Variants in C1QTNF7 observed in about 807,000 individuals in gnomAD.
The protein encoded by C1QTNF7 is C1q and TNF related 7.
A neutral mutation model predicts 19.6 loss-of-function variants in C1QTNF7; 15 were observed. The observed-to-expected ratio is 0.76, with a 90% CI of 0.51 to 1.18. The LOEUF (loss-of-function observed/expected upper bound fraction) is 1.18, where lower values mean the gene tolerates loss of function less well. C1QTNF7 is among the 50% of genes most tolerant of loss of function. The pLI, the probability that C1QTNF7 is intolerant of heterozygous loss-of-function variation, is 0.00. For synonymous variants in C1QTNF7, 142 were observed against 137.5 expected (o/e 1.03, Z -0.23); for missense variants, 324 against 359.7 (o/e 0.90, Z 0.80).
At chr4:15,430,604 G>C (rs888842853) in intron 1 of C1QTNF7, among the ~76,000 whole-genome samples, 19 of 152,238 alleles carry the variant, frequency 1.2e-4, no homozygotes, top group African/African-American at 4.3e-4. Context: ...GTACACTTTG[G>C]TAAATTTTAT....
At position 15,406,188 on chromosome 4, in the gene C1QTNF7, C is replaced by T. The variant is rs143397190; in HGVS notation, c.14-29548C>T. ...ACTCTACAACACCAATCCCTAAAGGCAGGACATTTTTCTGTCTTATTTGCC... is the reference window on the plus strand; with the variant it reads ...ACTCTACAACACCAATCCCTAAAGGTAGGACATTTTTCTGTCTTATTTGCC... On this transcript the variant is annotated intron_variant, in intron 1 of 2. Transcript: ENST00000295297. Among the ~76,000 whole-genome samples the T allele has an allele frequency of 2.6e-5, 4 of 152,308 alleles. No homozygotes were observed. The East Asian group carries it at 7.7e-4, about 29-fold the overall frequency.
chr4:15,391,255 C>T (rs1031440668), intron 1 of C1QTNF7, among the ~76,000 whole-genome samples: 1 of 151,782 alleles, frequency 6.6e-6, no homozygotes, highest in Non-Finnish European at 1.5e-5. Flanking sequence ...CTCAGCAATC[C>T]CAGTAGAGAA....
At chr4:15,413,077 G>C (rs28376639) in intron 1 of C1QTNF7, among the ~76,000 whole-genome samples, 57,346 of 152,060 alleles carry the variant, frequency 0.38, 10,938 homozygotes, top group East Asian at 0.55. Context: ...AGCCCAGTTA[G>C]TGTCCACTGT....
chr4:15,368,248 C>T (rs548433200), intron 1 of C1QTNF7, among the ~76,000 whole-genome samples: 2 of 152,032 alleles, frequency 1.3e-5, no homozygotes, highest in Non-Finnish European at 2.9e-5. Flanking sequence ...GTTGTCCACA[C>T]CCCCGACTCT....
intron 1 of C1QTNF7, among the ~76,000 whole-genome samples, chr4:15,377,309 GTTGATA>G (rs1717976824): frequency 6.6e-6 from 1 of 152,098 alleles, no homozygotes; most frequent in Non-Finnish European, 1.5e-5. Flanking sequence ...TTCCTATCTT[GTTGATA>G]CCCCCGTGCT....
At position 15,398,847 on chromosome 4, in the gene C1QTNF7, A is replaced by G. The variant is rs1265627286; in HGVS notation, c.14-36889A>G. On this transcript the variant is annotated intron_variant, in intron 1 of 2. Transcript: ENST00000295297. ...ATACTTGGAAGAAGGCCAAGCAGGC[A>G]ACGTGAGAAATCAAGTGCATGACTC... Among the ~76,000 whole-genome samples the G allele has an allele frequency of 3.3e-5, 5 of 152,330 alleles. No individual in the cohort carries two copies. In the East Asian group the frequency reaches 9.7e-4, roughly 29 times the overall value.
rs374394005 is a variant in C1QTNF7 at position 15,430,479 on chromosome 4, T to G, written c.-9+2373T>G. On this transcript the variant is annotated intron_variant, in intron 1 of 2. Coordinates refer to ENST00000444304, the MANE Select transcript of C1QTNF7 (RefSeq NM_031911.5). ...ACACACTTGTAGTCCCAGCTACTCA[T>G]GAATTCAATTCAATGTTTTAAAGCA... Among the ~76,000 whole-genome samples the G allele has an allele frequency of 7.2e-5, 11 of 152,312 alleles. No homozygotes were observed. The East Asian group carries it at 7.7e-4, about 11-fold the overall frequency.
chr4:15,425,227 A>C (rs1025793036), upstream of C1QTNF7, among the ~76,000 whole-genome samples: 1 of 152,112 alleles, frequency 6.6e-6, no homozygotes, highest in Admixed American at 6.5e-5. Flanking sequence ...TTTAAAAAAT[A>C]TTAATGCCTA....
At chr4:15,370,955 C>T (rs1717697783) in intron 1 of C1QTNF7, among the ~76,000 whole-genome samples, 1 of 152,228 alleles carries the variant, frequency 6.6e-6, no homozygotes, top group Non-Finnish European at 1.5e-5. Context: ...TTGAGGTTCC[C>T]TAAACACAAC....
intron 2 of C1QTNF7, among the ~76,000 whole-genome samples, chr4:15,438,685 G>A (rs1188153205): frequency 6.6e-6 from 1 of 152,104 alleles, no homozygotes; most frequent in Non-Finnish European, 1.5e-5. Flanking sequence ...GATAACACTA[G>A]AATAACCTCT....
chr4:15,394,007 G>C (rs539162174), intron 1 of C1QTNF7, among the ~76,000 whole-genome samples: 9 of 152,262 alleles, frequency 5.9e-5, no homozygotes, highest in Non-Finnish European at 1.2e-4. Flanking sequence ...AAGGCAGGAG[G>C]GCTCTATTTC....
chr4:15,412,189 T>C (rs1397949507), intron 1 of C1QTNF7, among the ~76,000 whole-genome samples: 1 of 152,120 alleles, frequency 6.6e-6, no homozygotes, highest in African/African-American at 2.4e-5. Context: ...GAAAATAAGT[T>C]CAGGGCTCCC....
intron 1 of C1QTNF7, among the ~76,000 whole-genome samples, chr4:15,371,508 G>A (rs1717724548): frequency 6.6e-6 from 1 of 152,074 alleles, no homozygotes; most frequent in African/African-American, 2.4e-5. Context: ...CTGGCTTCAG[G>A]GAGCTTACAG....
At chr4:15,349,449 T>C (rs932785071) in intron 1 of C1QTNF7, among the ~76,000 whole-genome samples, 4 of 152,180 alleles carry the variant, frequency 2.6e-5, no homozygotes, top group African/African-American at 9.7e-5. Context: ...TGGCTCTTTC[T>C]ACACAGGATT....
Position 15,442,260 on chromosome 4 carries a change from G to T in C1QTNF7, c.331G>T (p.Glu111Ter). 1 of 1,614,166 alleles carries T rather than the reference G, an allele frequency of 6.2e-7. No homozygotes were observed. Among genetic ancestry groups the T allele is most frequent in the Non-Finnish European group, 8.5e-7 (1 of 1,180,036 alleles). Residue 111 changes from glutamate (E) to a stop codon, truncating the protein, a stop_gained, in exon 3 of 3, where the codon GAG becomes TAG. Transcript: ENST00000444304. LOFTEE classifies it high-confidence loss of function. Reference protein sequence around the residue: ...GKKGPIGPEGEKGEVGPIGPP... With the variant: ...GKKGPIGPEG ...GAAAGGACCCATAGGACCAGAGGGAGAGAAAGGAGAAGTAGGTCCAATTGG... is the reference window on the plus strand; with the variant it reads ...GAAAGGACCCATAGGACCAGAGGGATAGAAAGGAGAAGTAGGTCCAATTGG...
intron 1 of C1QTNF7, among the ~76,000 whole-genome samples, chr4:15,350,223 G>GA (rs1716871487): frequency 2.1e-5 from 2 of 96,410 alleles, no homozygotes; most frequent in East Asian, 4.0e-4. Flanking sequence ...GGGAGGGAAG[G>GA]AAGGAGGAAA....
In C1QTNF7 at chr4:15,345,872, A is replaced by T. The variant is rs28677044; in HGVS notation, c.13+5665A>T. ...CTGTCTCTTTGTCCCTATTGTTTAG[A>T]TGAGGAGAGGTAAGTAGCTCACCTA... is the stretch of plus-strand genomic sequence containing the variant. On this transcript the variant is annotated intron_variant, in intron 1 of 2. Transcript: ENST00000295297. 5.0e-3 allele frequency among the ~76,000 whole-genome samples: 767 copies of T among 152,268 alleles called. 7 individuals carry two copies. Among genetic ancestry groups the T allele is most frequent in the African/African-American group, 0.018 (743 of 41,538 alleles).
intron 1 of C1QTNF7, among the ~76,000 whole-genome samples, chr4:15,384,915 G>A (rs547473476): frequency 6.6e-6 from 1 of 152,224 alleles, no homozygotes; most frequent in Admixed American, 6.5e-5. Flanking sequence ...ACCATAGCAG[G>A]GAGAAGCAAG....
At chr4:15,413,711 C>T (rs1312487122) in intron 1 of C1QTNF7, among the ~76,000 whole-genome samples, 1 of 152,190 alleles carries the variant, frequency 6.6e-6, no homozygotes, top group Non-Finnish European at 1.5e-5. Context: ...AAGGTAACAG[C>T]AAATACAATA....
Sources: allele counts gnomAD v4.1 joint callset (sites outside exome capture counted in the v4.1 genomes callset), GRCh38; gene constraint gnomAD v4.1.1; transcripts MANE v1.5; gene names NCBI Gene and HGNC (gene_info 2026-07-23, HGNC 2026-07-21).